TAB3: variants seen among roughly 807,000 people sequenced by gnomAD.
TAB3 encodes the protein TGF-beta activated kinase 1 (MAP3K7) binding protein 3.
TAB3 carries 18 observed loss-of-function variants against 48.1 expected under a neutral mutation model. That is an observed-to-expected ratio of 0.37 (90% CI 0.26 to 0.55). The LOEUF is 0.55. TAB3 is among the 20% of genes least tolerant of loss of function. TAB3 has a pLI of 0.78. For synonymous variants in TAB3, 185 were observed against 190.2 expected (o/e 0.97, Z 0.22); for missense variants, 414 against 549.8 (o/e 0.75, Z 2.47).
At chrX:30,848,958 T>C (rs1938733717) in intron 7 of TAB3, among the ~76,000 whole-genome samples, 1 of 110,662 alleles carries the variant, frequency 9.0e-6, no homozygotes, top group South Asian at 3.9e-4. Context: ...GAGGGGGTAA[T>C]TGGCAGCTTT....
At chrX:30,869,502 C>A (rs1255734967) in intron 2 of TAB3, among the ~76,000 whole-genome samples, 4 of 112,350 alleles carry the variant, frequency 3.6e-5, no homozygotes, top group Non-Finnish European at 7.5e-5. Context: ...TTTTTATTCT[C>A]CTCTAGGATT....
chrX:30,841,210 C>G (rs1354655832), intron 9 of TAB3, among the ~76,000 whole-genome samples: 1 of 111,547 alleles, frequency 9.0e-6, no homozygotes, highest in East Asian at 2.8e-4. Flanking sequence ...CACTTGAGGT[C>G]AAGAGTTCAA....
intron 6 of TAB3, 63 bp from the exon 7 acceptor site, chrX:30,853,001 G>A (rs1569212081): frequency 2.8e-6 from 3 of 1,085,792 alleles, no homozygotes; most frequent in Non-Finnish European, 3.8e-6. Flanking sequence ...GGAAAATTTC[G>A]ATATGCACTG....
At chrX:30,837,074 C>T (rs1336964723) in intron 9 of TAB3, among the ~76,000 whole-genome samples, 1 of 79,828 alleles carries the variant, frequency 1.3e-5, no homozygotes, top group Non-Finnish European at 2.3e-5. Flanking sequence ...TTGGAGACAG[C>T]ATCTTGCTCT....
chrX:30,840,194 T>G (rs1938392200), intron 9 of TAB3, among the ~76,000 whole-genome samples: 1 of 110,460 alleles, frequency 9.1e-6, no homozygotes, highest in South Asian at 3.8e-4. Flanking sequence ...TTGATTTTGT[T>G]TATCTTTTCA....
chrX:30,855,113 G>A lies in TAB3; in HGVS notation c.552C>T (p.Tyr184=), dbSNP rs772126840. The change falls in exon 6 of 11, where the codon TAC becomes TAT. Residue 184 remains tyrosine (Y), a synonymous_variant. Coordinates refer to ENST00000288422, the MANE Select transcript of TAB3 (RefSeq NM_152787.5). Reference sequence around the variant, plus strand: ...TTGTACTATACCGAGGTATGTGCATGTATGAAGGAGGTGGCGGTGGTGGTG... The same window carrying A: ...TTGTACTATACCGAGGTATGTGCATATATGAAGGAGGTGGCGGTGGTGGTG... ...GPSPPPPPPS[Y]MHIPRYSTNP... is the part of the protein sequence containing the mutation. 7.4e-6 allele frequency: 9 copies of A among 1,209,968 alleles called. No homozygotes were observed. Among genetic ancestry groups the A allele is most frequent in the Middle Eastern group, 2.3e-4 (1 of 4,351 alleles).
At chrX:30,853,122 A>G (rs781096126) in intron 6 of TAB3, among the ~76,000 whole-genome samples, 184 bp from the exon 7 acceptor site, 2 of 112,178 alleles carry the variant, frequency 1.8e-5, no homozygotes, top group African/African-American at 3.2e-5. Flanking sequence ...ATGCAACCAA[A>G]GTGACATCAC....
intron 5 of TAB3, among the ~76,000 whole-genome samples, chrX:30,856,817 A>G (rs1329827416): frequency 1.8e-5 from 2 of 111,553 alleles, no homozygotes; most frequent in African/African-American, 6.5e-5. Flanking sequence ...GATGAGGAAA[A>G]AGATGCCTGG....
chrX:30,873,981 C>G (rs1939746737), intron 1 of TAB3, among the ~76,000 whole-genome samples: 2 of 110,572 alleles, frequency 1.8e-5, no homozygotes. Flanking sequence ...CAAGACTGGC[C>G]TGGGCAACAT....
chrX:30,834,096 T>C lies in TAB3; in HGVS notation c.1945A>G (p.Lys649Glu). 1 of 1,211,680 alleles carries C rather than the reference T, an allele frequency of 8.3e-7. No individual in the cohort carries two copies. The highest frequency in any genetic ancestry group is 1.1e-6 in the Non-Finnish European group (1 of 895,520). The part of the protein sequence containing the change: ...RKARRISVTS[K>E]VQADIHDTQA... ...GTGTCATGGATGTCTGCCTGTACTT[T>C]GGAGGTCACGCTAATTCTTCGGGCT... The change falls in exon 10 of 11, where the codon AAA becomes GAA. Residue 649 changes from lysine (K) to glutamate (E), a missense_variant. Transcript: ENST00000288422.
chrX:30,878,546 T>G (rs991591932), intron 1 of TAB3, among the ~76,000 whole-genome samples: 1 of 103,636 alleles, frequency 9.6e-6, no homozygotes, highest in Non-Finnish European at 2.0e-5. Flanking sequence ...TCTCTCTCAG[T>G]AGTTAAAAGA....
intron 9 of TAB3, chrX:30,835,419 T>G (rs766300991): frequency 3.0e-4 from 36 of 118,567 alleles, no homozygotes; most frequent in African/African-American, 1.1e-3. Flanking sequence ...TCACATACCT[T>G]ATCTCACTAA....
At chrX:30,850,556 C>T (rs1307534463) in intron 7 of TAB3, among the ~76,000 whole-genome samples, 1 of 108,799 alleles carries the variant, frequency 9.2e-6, no homozygotes, top group Non-Finnish European at 1.9e-5. Context: ...ACTAAAGATA[C>T]AAAAAATTAG....
At chrX:30,848,280 T>C (rs1938700277) in intron 7 of TAB3, among the ~76,000 whole-genome samples, 1 of 112,056 alleles carries the variant, frequency 8.9e-6, no homozygotes, top group Non-Finnish European at 1.9e-5. Context: ...TCCCGGCACT[T>C]TGGGGGGCCA....
chrX:30,857,039 T>C (rs1742433334), intron 5 of TAB3, among the ~76,000 whole-genome samples: 1 of 111,894 alleles, frequency 8.9e-6, no homozygotes, highest in Non-Finnish European at 1.9e-5. Context: ...ATTTAATGAA[T>C]TGGCTGTATT....
intron 1 of TAB3, among the ~76,000 whole-genome samples, chrX:30,886,188 G>C (rs1375941138): frequency 8.9e-6 from 1 of 111,921 alleles, no homozygotes; most frequent in Non-Finnish European, 1.9e-5. Flanking sequence ...AATAATTTGA[G>C]GTTTACCATA....
intron 1 of TAB3, among the ~76,000 whole-genome samples, chrX:30,888,117 T>C (rs2147425621): frequency 8.9e-6 from 1 of 112,816 alleles, no homozygotes; most frequent in East Asian, 2.8e-4. Context: ...TCTTGTATAC[T>C]ACTGCAAATC....
intron 9 of TAB3, among the ~76,000 whole-genome samples, chrX:30,839,642 C>T (rs1938349193): frequency 9.1e-6 from 1 of 110,128 alleles, no homozygotes; most frequent in Non-Finnish European, 1.9e-5. Context: ...AAACGTACCA[C>T]TCTGGTGTAG....
chrX:30,875,582 T>C (rs113307967), intron 1 of TAB3, among the ~76,000 whole-genome samples: 68 of 111,562 alleles, frequency 6.1e-4, no homozygotes, highest in African/African-American at 2.2e-3. Flanking sequence ...AGTATTCTCT[T>C]CCATGAGAGG....
Sources: allele counts gnomAD v4.1 joint callset (sites outside exome capture counted in the v4.1 genomes callset), GRCh38; gene constraint gnomAD v4.1.1; transcripts MANE v1.5; gene names NCBI Gene and HGNC (gene_info 2026-07-23, HGNC 2026-07-21).